The following TBC1D32 variants were observed in gnomAD, a reference collection of about 807,000 sequenced individuals.
The protein encoded by TBC1D32 is protein broad-minded.
In TBC1D32, 151 loss-of-function variants were observed where a neutral mutation model predicts 170.3. The ratio of observed to expected loss-of-function variants is 0.89; its 90% CI spans 0.78 to 1.01. The LOEUF is 1.01. Among genes scored for constraint, TBC1D32 ranks in the 50% least tolerant of loss-of-function variants. The pLI is 0.00. For synonymous variants in TBC1D32, 498 were observed against 488.0 expected, an observed-to-expected ratio of 1.02 and a Z score of -0.27; for missense variants, 1,464 against 1,457.1, an observed-to-expected ratio of 1.00 and a Z score of -0.08.
At chr6:121,155,658 C>G (rs1241577231) in intron 24 of TBC1D32, among the ~76,000 whole-genome samples, 2 of 151,976 alleles carry the variant, frequency 1.3e-5, no homozygotes, top group Non-Finnish European at 2.9e-5. Context: ...ATAGATGGCT[C>G]TTATTATTTT....
chr6:121,227,591 C>A (rs966968214), intron 20 of TBC1D32, among the ~76,000 whole-genome samples: 1 of 34,040 alleles, frequency 2.9e-5, no homozygotes, highest in African/African-American at 6.8e-5. Context: ...TCTTTTTATT[C>A]TTTAATATGG....
At chr6:121,201,637 G>T (rs1201786777) in intron 22 of TBC1D32, among the ~76,000 whole-genome samples, 1 of 150,952 alleles carries the variant, frequency 6.6e-6, no homozygotes, top group Non-Finnish European at 1.5e-5. Context: ...CTCACACTGG[G>T]GCTTCTTTTT....
At position 121,080,315 on chromosome 6, in the gene TBC1D32, T is replaced by C; in HGVS notation, c.*456A>G. ...TCACTGCAACCTCCGCCTCCCGGGT[T>C]CAAGCGATTCTCCTGCCTCAGCCTC... On this transcript the variant is annotated 3_prime_UTR_variant, in exon 32 of 32. Coordinates refer to ENST00000398212, the MANE Select transcript of TBC1D32 (RefSeq NM_152730.6). 1 of 294,804 alleles carries C rather than the reference T, an allele frequency of 3.4e-6. No individual in the cohort carries two copies. Among genetic ancestry groups the C allele is most frequent in the Non-Finnish European group, 7.2e-6 (1 of 139,500 alleles). The allele number at this position is 294,804 out of a possible 1,614,324, so 18.3% of individuals were successfully genotyped here.
At chr6:121,305,163 A>G (rs1018712416) in intron 5 of TBC1D32, among the ~76,000 whole-genome samples, 3 of 152,104 alleles carry the variant, frequency 2.0e-5, no homozygotes, top group African/African-American at 7.2e-5. Context: ...AGTAGGCAGT[A>G]CTAAATTTTT....
chr6:121,192,485 G>C (rs1028393463), intron 22 of TBC1D32: 2 of 152,096 alleles, frequency 1.3e-5, no homozygotes, highest in African/African-American at 4.8e-5. Flanking sequence ...TCTGTCTCCT[G>C]GCTTCAGAAG....
chr6:121,111,225 G>T (rs138397474), intron 29 of TBC1D32, among the ~76,000 whole-genome samples: 2 of 152,248 alleles, frequency 1.3e-5, no homozygotes, highest in African/African-American at 4.8e-5. Context: ...AAAAAAGTAC[G>T]ATTTTATAGG....
chr6:121,138,637 C>G (rs1194456701), intron 24 of TBC1D32, among the ~76,000 whole-genome samples: 1 of 151,962 alleles, frequency 6.6e-6, no homozygotes, highest in African/African-American at 2.4e-5. Flanking sequence ...AATCTTAATT[C>G]CAAGGTTAGA....
chr6:121,090,767 A>G lies in TBC1D32; in HGVS notation c.3654+86T>C, dbSNP rs925109245. On this transcript the variant is annotated intron_variant, in intron 31 of 31. Transcript: ENST00000398212. Reference sequence around the variant, plus strand: ...TCTCACCATTGGTTTTTAGGATTAAATGAGTGCCTAGAAAAAGTATCTAAT... The same window carrying G: ...TCTCACCATTGGTTTTTAGGATTAAGTGAGTGCCTAGAAAAAGTATCTAAT... 8.1e-6 allele frequency: 10 copies of G among 1,227,644 alleles called. No individual in the cohort carries two copies. In the African/African-American group the frequency reaches 1.4e-4, roughly 17 times the overall value. 76.0% of individuals were successfully genotyped at this position (1,227,644 alleles called of 1,614,324 possible).
At chr6:121,207,067 A>G (rs368595268) in intron 21 of TBC1D32, among the ~76,000 whole-genome samples, 1 of 152,176 alleles carries the variant, frequency 6.6e-6, no homozygotes, top group Admixed American at 6.6e-5. Flanking sequence ...ACAAATAGGT[A>G]AATGTTTTAT....
At chr6:121,142,539 A>G (rs1380140400) in intron 24 of TBC1D32, among the ~76,000 whole-genome samples, 2 of 152,238 alleles carry the variant, frequency 1.3e-5, no homozygotes, top group Non-Finnish European at 2.9e-5. Flanking sequence ...ATCCTGAATA[A>G]ACATTATAAA....
In TBC1D32 at chr6:121,115,179, T is replaced by G; in HGVS notation, c.3046A>C (p.Thr1016Pro). 6.3e-7 allele frequency: 1 copy of G among 1,596,516 alleles called. No individual in the cohort carries two copies. The highest frequency in any genetic ancestry group is 1.3e-5 in the African/African-American group (1 of 74,656). Residue 1016 changes from threonine to proline, a missense_variant, in exon 27 of 32, where the codon ACT (threonine) becomes CCT (proline). Transcript: ENST00000398212. Reference sequence around the variant, plus strand: ...TATTTCCCTATAATATACCTGACAGTCATTTTAATGCCAAGCTGCTGCACA... The same window carrying G: ...TATTTCCCTATAATATACCTGACAGGCATTTTAATGCCAAGCTGCTGCACA... ...SSVQQLGIKM[T>P]VRYGKFLSLL...
chr6:121,132,171 A>G (rs1380671910), intron 24 of TBC1D32, among the ~76,000 whole-genome samples: 2 of 152,026 alleles, frequency 1.3e-5, no homozygotes, highest in South Asian at 4.1e-4. Flanking sequence ...AAAAGAAAGC[A>G]TAAGTGTAAA....
intron 29 of TBC1D32, among the ~76,000 whole-genome samples, chr6:121,108,725 T>C (rs1778933604): frequency 6.6e-6 from 1 of 152,062 alleles, no homozygotes; most frequent in South Asian, 2.1e-4. Context: ...AGTCATTTTA[T>C]TCCTGATATT....
Position 121,139,649 on chromosome 6 carries a change from G to T in TBC1D32, c.2774-7897C>A, listed in dbSNP as rs557312426. 23 of 152,190 alleles carry T rather than the reference G, an allele frequency of 1.5e-4. No individual in the cohort carries two copies. The South Asian group carries it at 3.9e-3, about 26-fold the overall frequency. 9.4% of individuals were successfully genotyped at this position (152,190 alleles called of 1,614,324 possible). A position where few individuals can be genotyped will look rare whatever the true frequency, so the allele number is the denominator to read the frequency against. Reference sequence around the variant, plus strand: ...GTTCTAGTGAAAAAAATAGACATTTGTAGTTAAGAAGGCTAAATTTCAACA... The same window carrying T: ...GTTCTAGTGAAAAAAATAGACATTTTTAGTTAAGAAGGCTAAATTTCAACA... On this transcript the variant is annotated intron_variant, in intron 24 of 31. Transcript: ENST00000398212.
intron 27 of TBC1D32, 36 bp from the exon 28 acceptor site, chr6:121,113,213 G>A (rs769378637): frequency 1.5e-6 from 2 of 1,376,770 alleles, no homozygotes; most frequent in Non-Finnish European, 2.0e-6. Context: ...AAACATATCA[G>A]GTCTTGCATT....
intron 22 of TBC1D32, among the ~76,000 whole-genome samples, chr6:121,203,629 G>A (rs1262236351): frequency 6.6e-6 from 1 of 151,194 alleles, no homozygotes; most frequent in East Asian, 1.9e-4. Context: ...TATCAATTAT[G>A]AAAATAACTC....
At chr6:121,085,434 T>C (rs1776163249) in intron 31 of TBC1D32, among the ~76,000 whole-genome samples, 1 of 149,952 alleles carries the variant, frequency 6.7e-6, no homozygotes, top group Admixed American at 6.7e-5. Flanking sequence ...CGGTAAGCAA[T>C]GTTTCTTCCA....
chr6:121,184,933 G>A (rs1788986352), intron 22 of TBC1D32, among the ~76,000 whole-genome samples: 1 of 152,032 alleles, frequency 6.6e-6, no homozygotes, highest in African/African-American at 2.4e-5. Context: ...TCCTTTGCAG[G>A]AAGAGGAAGC....
At chr6:121,198,235 A>AATATATAT (rs1791046678) in intron 22 of TBC1D32, among the ~76,000 whole-genome samples, 1 of 54,212 alleles carries the variant, frequency 1.8e-5, no homozygotes, top group African/African-American at 3.2e-5. Context: ...TAATATATAT[A>AATATATAT]AATATATATA....
Sources: gnomAD v4.1 joint callset for allele counts (sites outside exome capture counted in the v4.1 genomes callset) on GRCh38, gnomAD v4.1.1 for gene constraint, MANE v1.5 for transcripts, NCBI Gene and HGNC (gene_info 2026-07-23, HGNC 2026-07-21) for gene names.